GRID2: variants seen among roughly 807,000 people sequenced by gnomAD.
The protein encoded by GRID2 is glutamate receptor ionotropic, delta-2.
A neutral mutation model predicts 114.8 loss-of-function variants in GRID2; 33 were observed. The observed-to-expected ratio is 0.29, with a 90% CI of 0.22 to 0.38. The LOEUF is 0.38. GRID2 is among the 10% of genes least tolerant of loss of function. The probability of loss-of-function intolerance (pLI) is 1.00; values close to 1 mark genes in which losing one functional copy is unlikely to be tolerated. For missense variants in GRID2, 1,184 were observed against 1,257.7 expected (o/e 0.94, Z 0.89); for synonymous variants, 505 against 449.9 (o/e 1.12, Z -1.55).
chr4:93,494,505 A>C, intron 12 of GRID2, among the ~76,000 whole-genome samples: 1 of 151,884 alleles, frequency 6.6e-6, no homozygotes, highest in Non-Finnish European at 1.5e-5. Context: ...TGTTTTTAAA[A>C]TTAGATATCT....
chr4:92,307,127 A>G (rs1725450330), intron 1 of GRID2, among the ~76,000 whole-genome samples: 1 of 152,212 alleles, frequency 6.6e-6, no homozygotes. Flanking sequence ...GAATGTCCAT[A>G]TTAAAATTGT....
intron 13 of GRID2, among the ~76,000 whole-genome samples, chr4:93,596,842 C>T (rs1739157171): frequency 6.6e-6 from 1 of 152,138 alleles, no homozygotes; most frequent in Admixed American, 6.5e-5. Flanking sequence ...TTATGAGGTT[C>T]TTCTACATAC....
At chr4:93,532,922 A>G (rs1227802507) in intron 13 of GRID2, among the ~76,000 whole-genome samples, 1 of 152,108 alleles carries the variant, frequency 6.6e-6, no homozygotes, top group Non-Finnish European at 1.5e-5. Context: ...ATACTGTTTG[A>G]ATCAGGAATC....
chr4:92,701,589 T>C (rs2149301686), intron 2 of GRID2, among the ~76,000 whole-genome samples: 1 of 152,316 alleles, frequency 6.6e-6, no homozygotes, highest in South Asian at 2.1e-4. Flanking sequence ...AAAAGTGTTC[T>C]ATCTACGATG....
intron 10 of GRID2, among the ~76,000 whole-genome samples, chr4:93,435,895 A>G (rs942330842): frequency 1.3e-5 from 2 of 152,158 alleles, no homozygotes; most frequent in Non-Finnish European, 2.9e-5. Context: ...CATGCATTTG[A>G]GGCCAGTCTG....
chr4:92,924,931 T>C (rs1297324923), intron 2 of GRID2, among the ~76,000 whole-genome samples: 1 of 152,162 alleles, frequency 6.6e-6, no homozygotes, highest in Non-Finnish European at 1.5e-5. Flanking sequence ...GTTTCTGACC[T>C]GCTTTTCTTA....
At chr4:92,414,724 G>A (rs1458994234) in intron 1 of GRID2, among the ~76,000 whole-genome samples, 1 of 152,084 alleles carries the variant, frequency 6.6e-6, no homozygotes, top group Non-Finnish European at 1.5e-5. Flanking sequence ...AGAATAACAT[G>A]TGGATGCTGC....
chr4:93,050,614 G>C (rs559429624), intron 2 of GRID2, among the ~76,000 whole-genome samples: 2 of 151,026 alleles, frequency 1.3e-5, no homozygotes, highest in Admixed American at 1.3e-4. Context: ...AATGTTTCAA[G>C]GTTTATTTTC....
intron 2 of GRID2, among the ~76,000 whole-genome samples, chr4:92,810,092 T>C (rs1740598868): frequency 6.6e-6 from 1 of 152,052 alleles, no homozygotes; most frequent in East Asian, 1.9e-4. Context: ...GACTTCAATG[T>C]TGTGACTACT....
At chr4:93,677,057 A>C (rs980281545) in intron 14 of GRID2, among the ~76,000 whole-genome samples, 4 of 151,954 alleles carry the variant, frequency 2.6e-5, no homozygotes, top group Non-Finnish European at 5.9e-5. Flanking sequence ...CAGCTGGAAA[A>C]TCGGGTCACT....
Position 93,772,171 on chromosome 4 carries a change from A to C in GRID2, c.2697A>C (p.Ser899=), listed in dbSNP as rs1481925015. Residue 899 remains serine, a synonymous_variant, in exon 16 of 16, where the codon TCA becomes TCC. Transcript: ENST00000282020. The stretch of plus-strand genomic sequence containing the variant: ...CCCATAAACAGTTTTCCACCTCGTC[A>C]ATTGATTTGACCCCTCTGGACATTG... ...DSPHKQFSTS[S]IDLTPLDIDT... 6.2e-7 allele frequency: 1 copy of C among 1,613,910 alleles called. No individual in the cohort carries two copies. Among genetic ancestry groups the C allele is most frequent in the East Asian group, 2.2e-5 (1 of 44,876 alleles).
intron 2 of GRID2, among the ~76,000 whole-genome samples, chr4:92,912,819 A>G (rs1430815034): frequency 6.6e-6 from 1 of 151,880 alleles, no homozygotes; most frequent in East Asian, 1.9e-4. Context: ...TTCCAAAAAA[A>G]GTGCATAAAT....
intron 1 of GRID2, among the ~76,000 whole-genome samples, chr4:92,327,705 T>C (rs1003525021): frequency 7.2e-5 from 11 of 152,026 alleles, no homozygotes; most frequent in Admixed American, 7.2e-4. Flanking sequence ...TTTTAAAAAA[T>C]AAAATTTTTA....
chr4:93,137,338 A>T (rs185356274), intron 4 of GRID2, among the ~76,000 whole-genome samples: 1 of 152,300 alleles, frequency 6.6e-6, no homozygotes, highest in East Asian at 1.9e-4. Flanking sequence ...CATTATTATG[A>T]TTACTATGCA....
At chr4:92,875,917 A>G (rs1416504911) in intron 2 of GRID2, among the ~76,000 whole-genome samples, 5 of 152,154 alleles carry the variant, frequency 3.3e-5, no homozygotes, top group East Asian at 1.9e-4. Context: ...TCCCAACTCT[A>G]TTAGTTCAAT....
At chr4:92,892,261 A>T (rs1350575559) in intron 2 of GRID2, among the ~76,000 whole-genome samples, 1 of 152,022 alleles carries the variant, frequency 6.6e-6, no homozygotes, top group Non-Finnish European at 1.5e-5. Context: ...ATGGAGTTTC[A>T]CCATGTTGGC....
At chr4:93,038,362 A>G (rs1006468687) in intron 2 of GRID2, among the ~76,000 whole-genome samples, 5 of 152,226 alleles carry the variant, frequency 3.3e-5, no homozygotes, top group Non-Finnish European at 5.9e-5. Flanking sequence ...ATGAACAGAC[A>G]CTTCTCAAAA....
intron 2 of GRID2, among the ~76,000 whole-genome samples, chr4:92,640,612 A>G (rs1168696050): frequency 6.6e-6 from 1 of 151,872 alleles, no homozygotes; most frequent in Non-Finnish European, 1.5e-5. Context: ...TAAGTTTGGC[A>G]GCTAGGGATG....
chr4:92,732,560 A>C (rs1004550427), intron 2 of GRID2, among the ~76,000 whole-genome samples: 5 of 151,994 alleles, frequency 3.3e-5, no homozygotes, highest in African/African-American at 1.2e-4. Flanking sequence ...ATTAGACTCC[A>C]CTTATTGTGG....
Sources: allele counts gnomAD v4.1 joint callset (sites outside exome capture counted in the v4.1 genomes callset), GRCh38; gene constraint gnomAD v4.1.1; transcripts MANE v1.5; gene names NCBI Gene and HGNC (gene_info 2026-07-23, HGNC 2026-07-21).